Variants in ARHGEF28 observed in about 807,000 individuals in gnomAD.
ARHGEF28 encodes 190 kDa guanine nucleotide exchange factor.
A neutral mutation model predicts 206.6 loss-of-function variants in ARHGEF28; 152 were observed. That is an observed-to-expected ratio of 0.74 (90% CI 0.64 to 0.84). ARHGEF28 has a LOEUF of 0.84. ARHGEF28 is among the 40% of genes least tolerant of loss of function. The pLI, the probability that ARHGEF28 is intolerant of heterozygous loss-of-function variation, is 0.00. For missense variants in ARHGEF28, 2,028 were observed against 2,073.2 expected (o/e 0.98, Z 0.42); for synonymous variants, 763 against 776.4 (o/e 0.98, Z 0.29).
At chr5:73,847,079 G>A (rs956807423) in intron 12 of ARHGEF28, among the ~76,000 whole-genome samples, 4 of 152,036 alleles carry the variant, frequency 2.6e-5, no homozygotes, top group African/African-American at 4.8e-5. Flanking sequence ...ACATTGCTCT[G>A]AATGTAAGAA....
At chr5:73,854,039 T>C (rs1758863772) in intron 14 of ARHGEF28, among the ~76,000 whole-genome samples, 1 of 152,188 alleles carries the variant, frequency 6.6e-6, no homozygotes. Context: ...GTTTTTGTTT[T>C]CTGTTCCTTT....
rs201448617 is a variant in ARHGEF28, at chr5:73,668,946, AAGG to A, written c.-11-15892_-11-15890del. 9.5e-3 allele frequency among the ~76,000 whole-genome samples: 1,446 copies of A among 152,240 alleles called. 20 individuals are homozygous for A. Among genetic ancestry groups the A allele is most frequent in the South Asian group, 0.021 (101 of 4,828 alleles). On this transcript the variant is annotated intron_variant, in intron 1 of 35. Coordinates refer to ENST00000513042, the MANE Select transcript of ARHGEF28 (RefSeq NM_001177693.2). The stretch of plus-strand genomic sequence containing the variant: ...TTCAGTAAATTCTTGCTGCCTTTGG[AAGG>A]AGATTTTTAACCAGAAGAATGTTTT...
At chr5:73,855,306 CTA>C (rs1758948394) in intron 14 of ARHGEF28, among the ~76,000 whole-genome samples, 2 of 152,108 alleles carry the variant, frequency 1.3e-5, no homozygotes, top group Non-Finnish European at 2.9e-5. Context: ...TGGATTATGA[CTA>C]TGATATTCAC....
rs755367448 is a variant in ARHGEF28 at position 73,887,563 on chromosome 5, G to A, written c.3311-40G>A. On this transcript the variant is annotated intron_variant, in intron 25 of 35. Coordinates refer to ENST00000513042, the MANE Select transcript of ARHGEF28 (RefSeq NM_001177693.2). Reference sequence around the variant, plus strand: ...TTTTTATTCAGTTTATTTGAACTGTGGTTTGCTTCATTAATACTAGTAATG... The same window carrying A: ...TTTTTATTCAGTTTATTTGAACTGTAGTTTGCTTCATTAATACTAGTAATG... The A allele has an allele frequency of 7.0e-6, 10 of 1,419,162 alleles. No individual in the cohort carries two copies. The African/African-American group carries it at 1.4e-4, about 20-fold the overall frequency. 87.9% of individuals were successfully genotyped at this position (1,419,162 alleles called of 1,614,324 possible).
intron 1 of ARHGEF28, among the ~76,000 whole-genome samples, chr5:73,676,394 C>A (rs187237515): frequency 3.9e-5 from 6 of 152,280 alleles, no homozygotes; most frequent in African/African-American, 1.4e-4. Context: ...TGCCACCACA[C>A]CCAGCTAATT....
chr5:73,864,354 GC>G (rs1411591194), intron 16 of ARHGEF28, among the ~76,000 whole-genome samples: 1 of 152,150 alleles, frequency 6.6e-6, no homozygotes, highest in East Asian at 1.9e-4. Context: ...AGGAATTCTT[GC>G]CAAGACCTCA....
intron 29 of ARHGEF28, among the ~76,000 whole-genome samples, chr5:73,896,149 G>A (rs1325917861): frequency 1.3e-5 from 2 of 152,232 alleles, no homozygotes; most frequent in African/African-American, 2.4e-5. Flanking sequence ...ATTGTGGTAA[G>A]ATGAAGGCTT....
intron 2 of ARHGEF28, among the ~76,000 whole-genome samples, chr5:73,698,752 G>T (rs1173518833): frequency 6.6e-6 from 1 of 152,086 alleles, no homozygotes; most frequent in African/African-American, 2.4e-5. Flanking sequence ...CACAGGAGAG[G>T]CAAATGGACT....
intron 7 of ARHGEF28, among the ~76,000 whole-genome samples, chr5:73,785,670 A>C (rs1754116195): frequency 6.6e-6 from 1 of 152,178 alleles, no homozygotes; most frequent in South Asian, 2.1e-4. Flanking sequence ...ATCCGCTTAA[A>C]AAATTATTTT....
rs142139412 is a variant in ARHGEF28, at chr5:73,836,354, A to G, written c.1146+3895A>G. Reference sequence around the variant, plus strand: ...GGTAATAGCCATTCTAACAGGTGTGAGGTGGTATCTCATTGTAGTTTTGTT... The same window carrying G: ...GGTAATAGCCATTCTAACAGGTGTGGGGTGGTATCTCATTGTAGTTTTGTT... On this transcript the variant is annotated intron_variant, in intron 10 of 35. Transcript: ENST00000513042. Among the ~76,000 whole-genome samples the G allele has an allele frequency of 2.7e-3, 359 of 134,242 alleles. 1 individual carries two copies. Among genetic ancestry groups the G allele is most frequent in the African/African-American group, 9.9e-3 (346 of 35,034 alleles). 88.1% of individuals were successfully genotyped at this position (134,242 alleles called of 152,430 possible). A position where few individuals can be genotyped will look rare whatever the true frequency, so the allele number is the denominator to read the frequency against.
At chr5:73,727,776 C>T (rs567128846) in intron 2 of ARHGEF28, among the ~76,000 whole-genome samples, 3 of 152,216 alleles carry the variant, frequency 2.0e-5, no homozygotes, top group African/African-American at 4.8e-5. Context: ...TGGCCCTCAA[C>T]ATCCAGTTAA....
intron 1 of ARHGEF28, among the ~76,000 whole-genome samples, chr5:73,683,875 C>A (rs1447648867): frequency 6.6e-6 from 1 of 152,104 alleles, no homozygotes; most frequent in Non-Finnish European, 1.5e-5. Flanking sequence ...ATTGACCTTT[C>A]TTGGCTTTCT....
At chr5:73,751,697 A>G (rs1309106597) in intron 3 of ARHGEF28, among the ~76,000 whole-genome samples, 1 of 152,060 alleles carries the variant, frequency 6.6e-6, no homozygotes, top group Non-Finnish European at 1.5e-5. Context: ...TTTTGTTTAT[A>G]TTGTGGTCTA....
intron 2 of ARHGEF28, among the ~76,000 whole-genome samples, chr5:73,696,123 A>C (rs1263529062): frequency 6.6e-6 from 1 of 152,160 alleles, no homozygotes; most frequent in Non-Finnish European, 1.5e-5. Context: ...GTAGGCTTTC[A>C]CTAAACGTTT....
chr5:73,782,394 C>T (rs538249165), intron 7 of ARHGEF28, among the ~76,000 whole-genome samples: 23 of 152,158 alleles, frequency 1.5e-4, no homozygotes, highest in African/African-American at 5.3e-4. Flanking sequence ...GCTGAGATTG[C>T]GCCACTGCAT....
chr5:73,813,119 C>T (rs1755942883), intron 9 of ARHGEF28, among the ~76,000 whole-genome samples: 1 of 152,130 alleles, frequency 6.6e-6, no homozygotes, highest in Non-Finnish European at 1.5e-5. Flanking sequence ...TCTAACACGG[C>T]ACCGGGTAGC....
At chr5:73,835,198 A>C (rs1437992788) in intron 10 of ARHGEF28, 1 of 152,354 alleles carries the variant, frequency 6.6e-6, no homozygotes, top group Admixed American at 6.5e-5. Flanking sequence ...CGGGCCGGGC[A>C]CGGTGGCTCA....
intron 9 of ARHGEF28, among the ~76,000 whole-genome samples, chr5:73,801,639 A>G (rs1159401765): frequency 6.6e-6 from 1 of 152,026 alleles, no homozygotes; most frequent in Non-Finnish European, 1.5e-5. Flanking sequence ...AACTCTTCTG[A>G]AAAATACGTT....
intron 4 of ARHGEF28, among the ~76,000 whole-genome samples, chr5:73,757,357 T>C (rs1752371525): frequency 6.6e-6 from 1 of 152,234 alleles, no homozygotes; most frequent in African/African-American, 2.4e-5. Flanking sequence ...TTATTAAAAT[T>C]TTTTTGTGAT....
Sources: allele counts gnomAD v4.1 joint callset (sites outside exome capture counted in the v4.1 genomes callset), GRCh38; gene constraint gnomAD v4.1.1; transcripts MANE v1.5; gene names NCBI Gene and HGNC (gene_info 2026-07-23, HGNC 2026-07-21).